SDHA: variants seen among roughly 807,000 people sequenced by gnomAD.
SDHA encodes succinate dehydrogenase complex flavoprotein subunit A.
In SDHA, 48 loss-of-function variants were observed where a neutral mutation model predicts 78.4. The ratio of observed to expected loss-of-function variants is 0.61; its 90% CI spans 0.49 to 0.78. The LOEUF (loss-of-function observed/expected upper bound fraction) is 0.78, where lower values mean the gene tolerates loss of function less well. SDHA is among the 30% of genes least tolerant of loss of function. SDHA has a pLI of 0.00. For synonymous variants in SDHA, 326 were observed against 353.9 expected, an observed-to-expected ratio of 0.92 and a Z score of 0.88; for missense variants, 680 against 892.7, an observed-to-expected ratio of 0.76 and a Z score of 3.04.
At chr5:237,981 T>C (rs1263397883) in intron 10 of SDHA, among the ~76,000 whole-genome samples, 1 of 136,084 alleles carries the variant, frequency 7.3e-6, no homozygotes, top group Non-Finnish European at 1.5e-5. Context: ...CCCTGCACTT[T>C]GTCGCAGTGA....
rs1240484452 is a variant in SDHA, at chr5:248,805, C to A, written c.1552-2187C>A. Among the ~76,000 whole-genome samples the A allele has an allele frequency of 7.2e-5, 11 of 152,204 alleles. No individual in the cohort carries two copies. In the South Asian group the frequency reaches 8.3e-4, roughly 11 times the overall value. On this transcript the variant is annotated intron_variant, in intron 11 of 14. Coordinates refer to ENST00000264932, the MANE Select transcript of SDHA (RefSeq NM_004168.4). Reference sequence around the variant, plus strand: ...CCTCTCTGTCTGCGTGCCACGGCCACACTATGTTCAGCTGGTCTGAACAAA... The same window carrying A: ...CCTCTCTGTCTGCGTGCCACGGCCAAACTATGTTCAGCTGGTCTGAACAAA...
At chr5:247,667 T>C (rs888957513) in intron 11 of SDHA, among the ~76,000 whole-genome samples, 6 of 152,260 alleles carry the variant, frequency 3.9e-5, no homozygotes, top group Admixed American at 3.9e-4. Flanking sequence ...GACTAGCTTA[T>C]GTACATGCAT....
chr5:243,633 C>T (rs752787242), intron 11 of SDHA, among the ~76,000 whole-genome samples: 9 of 152,248 alleles, frequency 5.9e-5, no homozygotes, highest in East Asian at 5.8e-4. Context: ...AAGAACCGTA[C>T]GCTGATTTTA....
At chr5:240,098 T>C (rs1409070993) in intron 10 of SDHA, among the ~76,000 whole-genome samples, 2 of 152,144 alleles carry the variant, frequency 1.3e-5, no homozygotes, top group Non-Finnish European at 1.5e-5. Context: ...TTAGAGATGA[T>C]TTCTAGTTTA....
chr5:251,557 C>G, intron 13 of SDHA, 89 bp downstream of exon 13: 1 of 1,599,044 alleles, frequency 6.3e-7, no homozygotes. Flanking sequence ...TCTGCATTTT[C>G]TTTCGTTGCC....
chr5:224,960 G>T (rs185285209), intron 3 of SDHA: 54 of 336,758 alleles, frequency 1.6e-4, no homozygotes, highest in African/African-American at 9.9e-4. Flanking sequence ...GGAAGCTGGG[G>T]TACAGGGGAG....
intron 13 of SDHA, chr5:253,000 T>TATTATAGAGCCTGCCCTGTGGTTTG (rs1436796231): frequency 1.6e-4 from 24 of 152,212 alleles, no homozygotes; most frequent in African/African-American, 7.2e-5. Context: ...TTGGAAAAGG[T>TATTATAGAGCCTGCCCTGTGGTTTG]ATTATAGAGC....
chr5:235,385 C>T (rs749493750), intron 9 of SDHA, 46 bp downstream of exon 9: 28 of 1,570,172 alleles, frequency 1.8e-5, no homozygotes, highest in Admixed American at 5.0e-5. Context: ...AAGGCTGGGA[C>T]GACGGGGCCC....
At chr5:251,263 G>C (rs1736805664) in intron 12 of SDHA, 75 bp from the exon 13 acceptor site, 4 of 1,561,204 alleles carry the variant, frequency 2.6e-6, no homozygotes, top group Non-Finnish European at 3.5e-6. Flanking sequence ...TGGACTAGCA[G>C]GCCCAGGCTG....
chr5:236,317 C>T, intron 9 of SDHA, 111 bp from the exon 10 acceptor site: 2 of 1,126,860 alleles, frequency 1.8e-6, no homozygotes, highest in South Asian at 2.5e-5. Flanking sequence ...AGCCACCACG[C>T]CTGGCCTACT....
chr5:234,820 G>A (rs866436613), intron 8 of SDHA: 17 of 383,742 alleles, frequency 4.4e-5, no homozygotes, highest in African/African-American at 1.0e-4. Flanking sequence ...CCACGGATAC[G>A]CAGGGACGAC....
chr5:237,450 G>T (rs1237115870), intron 10 of SDHA, among the ~76,000 whole-genome samples: 1 of 132,878 alleles, frequency 7.5e-6, no homozygotes, highest in Non-Finnish European at 1.5e-5. Flanking sequence ...CAAATAATGT[G>T]CAGTAAAGGA....
chr5:230,427 G>C (rs1476170492), intron 6 of SDHA, among the ~76,000 whole-genome samples: 2 of 152,128 alleles, frequency 1.3e-5, no homozygotes, highest in African/African-American at 4.8e-5. Flanking sequence ...AGGAGTTCGA[G>C]ACCAGCCTGG....
chr5:266,130 C>G, the SDHA span, among the ~76,000 whole-genome samples: 1 of 152,226 alleles, frequency 6.6e-6, no homozygotes, highest in African/African-American at 2.4e-5. Context: ...TTGAAAACCT[C>G]CACAGCTGAC....
At chr5:226,928 CAA>C (rs554077502) in intron 5 of SDHA, among the ~76,000 whole-genome samples, 154 of 82,540 alleles carry the variant, frequency 1.9e-3, no homozygotes, top group Middle Eastern at 0.014. Context: ...GACTCCATCT[CAA>C]AAAAAAAAAA....
intron 1 of SDHA, among the ~76,000 whole-genome samples, chr5:219,155 A>G (rs1398294012): frequency 6.6e-6 from 1 of 152,236 alleles, no homozygotes; most frequent in Non-Finnish European, 1.5e-5. Flanking sequence ...CGGAGAGCTC[A>G]GCGCACTGAC....
chr5:226,145 A>C, intron 5 of SDHA, 98 bp downstream of exon 5: 4 of 1,390,262 alleles, frequency 2.9e-6, no homozygotes, highest in Non-Finnish European at 4.0e-6. Flanking sequence ...TCAGCCAGAG[A>C]TTACGTAAAA....
chr5:250,610 G>C (rs543310605), intron 11 of SDHA: 7 of 345,608 alleles, frequency 2.0e-5, no homozygotes, highest in Non-Finnish European at 3.4e-5. Context: ...CTTGTGTCAC[G>C]TTCACCACCA....
At chr5:256,281 A>G in intron 14 of SDHA, 53 bp from the exon 15 acceptor site, 2 of 1,348,222 alleles carry the variant, frequency 1.5e-6, no homozygotes, top group South Asian at 1.2e-5. Context: ...AACACAAGAG[A>G]TGGCTTTTTG....
Sources: allele counts gnomAD v4.1 joint callset (sites outside exome capture counted in the v4.1 genomes callset), GRCh38; gene constraint gnomAD v4.1.1; transcripts MANE v1.5; gene names NCBI Gene and HGNC (gene_info 2026-07-23, HGNC 2026-07-21).